The following NXN variants were observed in gnomAD, a reference collection of about 807,000 sequenced individuals.
The protein encoded by NXN is nucleoredoxin, also known as nucleoredoxin 1.
In NXN, 16 loss-of-function variants were observed where a neutral mutation model predicts 48.6. The ratio of observed to expected loss-of-function variants is 0.33; its 90% CI spans 0.22 to 0.50. The LOEUF is 0.50. Among genes scored for constraint, NXN ranks in the 20% least tolerant of loss-of-function variants. The pLI is 0.98. For synonymous variants in NXN, 281 were observed against 269.6 expected, an observed-to-expected ratio of 1.04 and a Z score of -0.41; for missense variants, 492 against 605.5, an observed-to-expected ratio of 0.81 and a Z score of 1.97.
chr17:876,001 G>A (rs1039690103), intron 1 of NXN, among the ~76,000 whole-genome samples: 1 of 152,032 alleles, frequency 6.6e-6, no homozygotes, highest in Non-Finnish European at 1.5e-5. Flanking sequence ...GGCTATCAGG[G>A]TGAAACCCCG....
intron 1 of NXN, among the ~76,000 whole-genome samples, chr17:965,857 C>T (rs2069296166): frequency 6.6e-6 from 1 of 152,000 alleles, no homozygotes; most frequent in Middle Eastern, 3.2e-3. Flanking sequence ...TGACTCACAC[C>T]TATAATCCCA....
chr17:807,294 A>G (rs1911614233), intron 5 of NXN, among the ~76,000 whole-genome samples: 1 of 152,204 alleles, frequency 6.6e-6, no homozygotes, highest in Non-Finnish European at 1.5e-5. Context: ...AAATTGGGCA[A>G]TTATGAGCAC....
chr17:966,524 T>C (rs1404933282), intron 1 of NXN, among the ~76,000 whole-genome samples: 1 of 151,418 alleles, frequency 6.6e-6, no homozygotes, highest in African/African-American at 2.4e-5. Flanking sequence ...ATTTTGTATT[T>C]TTAGTAGAGA....
chr17:876,244 GAAGAGAAGAA>G (rs1175991729), intron 1 of NXN, among the ~76,000 whole-genome samples: 3 of 128,746 alleles, frequency 2.3e-5, no homozygotes, highest in Admixed American at 1.5e-4. Context: ...AAGGAGAAGA[GAAGAGAAGAA>G]AAGAAAAGAA....
intron 1 of NXN, among the ~76,000 whole-genome samples, chr17:846,866 G>T (rs997183039): frequency 6.0e-5 from 9 of 150,696 alleles, no homozygotes; most frequent in Admixed American, 1.3e-4. Flanking sequence ...GAGAAAAATG[G>T]TGGGGGTGGA....
chr17:903,035 A>G (rs183490427), intron 1 of NXN, among the ~76,000 whole-genome samples: 254 of 151,344 alleles, frequency 1.7e-3, no homozygotes, highest in African/African-American at 5.8e-3. Context: ...CCTCCCAAAG[A>G]GCTGGAATTA....
At chr17:864,655 C>A (rs2068078845) in intron 1 of NXN, among the ~76,000 whole-genome samples, 2 of 152,178 alleles carry the variant, frequency 1.3e-5, no homozygotes, top group Admixed American at 1.3e-4. Flanking sequence ...GGCTTTTTAC[C>A]AGACTCACCC....
At chr17:826,257 GC>G (rs1319684812) in intron 1 of NXN, among the ~76,000 whole-genome samples, 179 bp from the exon 2 acceptor site, 2 of 151,840 alleles carry the variant, frequency 1.3e-5, no homozygotes, top group East Asian at 3.9e-4. Flanking sequence ...CAATCCCACT[GC>G]CCCCCGGGGT....
chr17:939,630 G>A (rs970234363), intron 1 of NXN, among the ~76,000 whole-genome samples: 1 of 152,108 alleles, frequency 6.6e-6, no homozygotes, highest in African/African-American at 2.4e-5. Flanking sequence ...ACAGGCGTGA[G>A]CCACCGCGCC....
intron 1 of NXN, among the ~76,000 whole-genome samples, chr17:947,708 G>A (rs2069059466): frequency 1.4e-5 from 2 of 147,250 alleles, no homozygotes; most frequent in African/African-American, 5.1e-5. Context: ...ACTCCGGCCT[G>A]GGCAACAGGG....
chr17:839,550 C>T (rs917245934), intron 1 of NXN, among the ~76,000 whole-genome samples: 2 of 151,904 alleles, frequency 1.3e-5, no homozygotes, highest in African/African-American at 4.8e-5. Flanking sequence ...GCAGCTCACG[C>T]CTGTAACTTC....
At chr17:933,141 T>C (rs1351749418) in intron 1 of NXN, among the ~76,000 whole-genome samples, 1 of 151,040 alleles carries the variant, frequency 6.6e-6, no homozygotes, top group Admixed American at 6.6e-5. Context: ...AGAAAACTCT[T>C]GTGGATCTGA....
In NXN at chr17:896,778, C is replaced by A. The variant is rs189817709; in HGVS notation, c.361-70700G>T. The A allele has an allele frequency of 6.0e-5, 55 of 922,344 alleles. No individual in the cohort carries two copies. The African/African-American group carries it at 9.4e-4, about 16-fold the overall frequency. 57.1% of individuals were successfully genotyped at this position (922,344 alleles called of 1,614,324 possible). ...TAGAACCTTCTCCTCGACTTCAAAGCTTCCCTAAATTCTCTACAATAGACA... is the reference window on the plus strand; with the variant it reads ...TAGAACCTTCTCCTCGACTTCAAAGATTCCCTAAATTCTCTACAATAGACA... On this transcript the variant is annotated intron_variant, in intron 1 of 7. Coordinates refer to ENST00000336868, the MANE Select transcript of NXN (RefSeq NM_022463.5).
chr17:857,203 C>T (rs752181370), intron 1 of NXN, among the ~76,000 whole-genome samples: 4 of 152,158 alleles, frequency 2.6e-5, no homozygotes, highest in African/African-American at 4.8e-5. Flanking sequence ...TCACAGATGG[C>T]GCCTTCTTGC....
Position 825,906 on chromosome 17 carries a change from T to G in NXN, c.478+55A>C. The G allele has an allele frequency of 2.7e-6, 3 of 1,115,422 alleles. No individual in the cohort carries two copies. The highest frequency in any genetic ancestry group is 4.0e-6 in the Non-Finnish European group (3 of 745,214). The allele number at this position is 1,115,422 out of a possible 1,614,324, so 69.1% of individuals were successfully genotyped here. ...TGGGACGGAGATTAGCCTAAGGGCA[T>G]GGAGGAGGGAGGGCTGGGTAATAAG... On this transcript the variant is annotated intron_variant, in intron 2 of 7. Coordinates refer to ENST00000336868, the MANE Select transcript of NXN (RefSeq NM_022463.5). This position sits in a 1 kb window ranked among gnomAD's most constrained non-coding sequence, Gnocchi z 4.1.
At chr17:885,641 C>T (rs1293337177) in intron 1 of NXN, among the ~76,000 whole-genome samples, 1 of 149,026 alleles carries the variant, frequency 6.7e-6, no homozygotes, top group East Asian at 2.0e-4. Context: ...TGAAGAGAGG[C>T]GCCATGCCCA....
At chr17:812,647 CATGT>C (rs139957594) in intron 5 of NXN, among the ~76,000 whole-genome samples, 1,373 of 126,490 alleles carry the variant, frequency 0.011, 10 homozygotes, top group Non-Finnish European at 0.015. Context: ...TGTGAGTGTG[CATGT>C]GTGTGACTGT....
intron 1 of NXN, among the ~76,000 whole-genome samples, chr17:906,715 C>G (rs985166550): frequency 6.6e-6 from 1 of 151,450 alleles, no homozygotes; most frequent in Non-Finnish European, 1.5e-5. Flanking sequence ...TACAGGCACC[C>G]ACCACCACAC....
intron 1 of NXN, among the ~76,000 whole-genome samples, chr17:827,892 G>A (rs1267220206): frequency 1.3e-5 from 2 of 152,190 alleles, no homozygotes; most frequent in Admixed American, 1.3e-4. Flanking sequence ...ATCCGAAGCG[G>A]TGAGGGGCAG....
Sources: gnomAD v4.1 joint callset for allele counts (sites outside exome capture counted in the v4.1 genomes callset) on GRCh38, gnomAD v4.1.1 for gene constraint, Gnocchi (gnomAD v3.1) non-coding constraint, MANE v1.5 for transcripts, NCBI Gene and HGNC (gene_info 2026-07-23, HGNC 2026-07-21) for gene names.